ACSF3: variants seen among roughly 807,000 people sequenced by gnomAD.
The protein encoded by ACSF3 is acyl-CoA synthetase family member 3.
A neutral mutation model predicts 53.2 loss-of-function variants in ACSF3; 78 were observed. The observed-to-expected ratio is 1.47, with a 90% CI of 1.22 to 1.77. ACSF3 has a LOEUF of 1.77. Ranked by LOEUF, ACSF3 falls within the 40% of genes most tolerant of loss-of-function variation. The pLI is 0.00. For missense variants in ACSF3, 937 were observed against 771.1 expected (o/e 1.22, Z -2.55); for synonymous variants, 414 against 333.1 (o/e 1.24, Z -2.65).
At chr16:89,115,445 G>A (rs1373214078) in intron 6 of ACSF3, among the ~76,000 whole-genome samples, 4 of 152,150 alleles carry the variant, frequency 2.6e-5, no homozygotes, top group South Asian at 2.1e-4. Context: ...GTCTGCTTCC[G>A]CCCGGCTTCC....
chr16:89,119,382 G>A (rs1480522030), intron 6 of ACSF3, among the ~76,000 whole-genome samples: 1 of 152,194 alleles, frequency 6.6e-6, no homozygotes, highest in Middle Eastern at 3.2e-3. Flanking sequence ...GAAAAACCAC[G>A]GACGCGGACA....
intron 6 of ACSF3, among the ~76,000 whole-genome samples, chr16:89,119,295 C>G (rs575683110): frequency 6.6e-6 from 1 of 152,236 alleles, no homozygotes; most frequent in Non-Finnish European, 1.5e-5. Flanking sequence ...GCTGCGTCCC[C>G]GCCCCAGTAG....
At chr16:89,121,366 G>C (rs1427337266) in intron 7 of ACSF3, among the ~76,000 whole-genome samples, 1 of 152,202 alleles carries the variant, frequency 6.6e-6, no homozygotes. Flanking sequence ...TAGTAGGTGT[G>C]GGGAGATTCA....
chr16:89,138,473 G>A (rs1282874710), intron 8 of ACSF3, among the ~76,000 whole-genome samples: 1 of 152,220 alleles, frequency 6.6e-6, no homozygotes, highest in Non-Finnish European at 1.5e-5. Context: ...GCCAGCCTCT[G>A]CGCCAAGGGT....
intron 3 of ACSF3, among the ~76,000 whole-genome samples, chr16:89,102,170 T>TG (rs1334960971): frequency 6.6e-6 from 1 of 152,214 alleles, no homozygotes; most frequent in African/African-American, 2.4e-5. Context: ...CTGTCCCGGC[T>TG]GAGCAGGTGA....
At chr16:89,127,307 A>G (rs4782434) in intron 7 of ACSF3, among the ~76,000 whole-genome samples, 109,139 of 151,890 alleles carry the variant, frequency 0.72, 40,200 homozygotes, top group Non-Finnish European at 0.8. Flanking sequence ...TCTTCTTTCA[A>G]TGATTGGTGG....
rs192235338 is a variant in ACSF3 at position 89,097,284 on chromosome 16, G to A, written c.-193-1307G>A. On this transcript the variant is annotated intron_variant, in intron 1 of 10. Coordinates refer to ENST00000614302, the MANE Select transcript of ACSF3 (RefSeq NM_001243279.3). ...TTCTGAGCAGCAGCTTTAGTTAGAG[G>A]GAAGCCGTCATCCCCCTTTTATGTG... 1.5e-3 allele frequency among the ~76,000 whole-genome samples: 228 copies of A among 152,336 alleles called. 2 individuals carry two copies. The highest frequency in any genetic ancestry group is 5.1e-3 in the African/African-American group (211 of 41,578).
At chr16:89,143,043 G>C (rs1454510124) in intron 8 of ACSF3, among the ~76,000 whole-genome samples, 1 of 152,222 alleles carries the variant, frequency 6.6e-6, no homozygotes, top group South Asian at 2.1e-4. Context: ...TGGAGATGGG[G>C]AAGAAAATTG....
intron 8 of ACSF3, among the ~76,000 whole-genome samples, chr16:89,139,058 G>A (rs557028054): frequency 8.0e-4 from 122 of 152,298 alleles, no homozygotes; most frequent in Admixed American, 1.3e-3. Flanking sequence ...CTTGAGTCCC[G>A]CAGAGGAGGC....
Position 89,120,814 on chromosome 16 carries a change from C to T in ACSF3, c.1140C>T (p.Thr380=). The T allele has an allele frequency of 3.7e-6, 6 of 1,614,090 alleles. No individual in the cohort carries two copies. Among genetic ancestry groups the T allele is most frequent in the Non-Finnish European group, 5.1e-6 (6 of 1,179,954 alleles). ...CCTCTCCTGTAGGTTCCGTGGGGAC[C>T]CCACTGCCTGGAGTACAGGTGCGCA... The part of the protein sequence containing the change: ...TAVRLPGSVG[T]PLPGVQVRIV... The change falls in exon 7 of 11, where the codon ACC becomes ACT. Residue 380 remains threonine, a synonymous_variant. Coordinates refer to ENST00000614302, the MANE Select transcript of ACSF3 (RefSeq NM_001243279.3).
rs746400895 is a variant in ACSF3 at position 89,100,731 on chromosome 16, C to T, written c.50C>T (p.Ala17Val). ...TTCCGGCGCCTGGGCTGCGCCTTGGCGTCCTGCCGGCTGGCGCCTGCGAGA... is the reference window on the plus strand; with the variant it reads ...TTCCGGCGCCTGGGCTGCGCCTTGGTGTCCTGCCGGCTGGCGCCTGCGAGA... ...LTFRRLGCAL[A>V]SCRLAPARHR... The change falls in exon 3 of 11, where the codon GCG (alanine) becomes GTG (valine). Residue 17 changes from alanine to valine, a missense_variant. Physicochemically the swap from Ala to Val is moderately conservative, Grantham distance 64. Coordinates refer to ENST00000614302, the MANE Select transcript of ACSF3 (RefSeq NM_001243279.3). 4.4e-6 allele frequency: 7 copies of T among 1,603,896 alleles called. No homozygotes were observed. In the South Asian group the frequency reaches 4.4e-5, roughly 10 times the overall value.
At chr16:89,153,894 C>T (rs982904437) in intron 10 of ACSF3, 196 bp from the exon 11 acceptor site, 7 of 621,604 alleles carry the variant, frequency 1.1e-5, no homozygotes, top group South Asian at 7.4e-5. Flanking sequence ...CGGGCACCTC[C>T]TGCAGTCACC....
chr16:89,127,795 A>G (rs1473646804), intron 7 of ACSF3, among the ~76,000 whole-genome samples: 1 of 152,142 alleles, frequency 6.6e-6, no homozygotes, highest in African/African-American at 2.4e-5. Flanking sequence ...GGTTCATTTA[A>G]TCTGTTAAGT....
At chr16:89,144,639 C>T (rs1912539405) in intron 8 of ACSF3, among the ~76,000 whole-genome samples, 1 of 152,232 alleles carries the variant, frequency 6.6e-6, no homozygotes, top group South Asian at 2.1e-4. Flanking sequence ...CCTGGTGGGC[C>T]TCGGCCCCTC....
At chr16:89,141,352 G>A (rs1328346586) in intron 8 of ACSF3, 1 of 1,253,530 alleles carries the variant, frequency 8.0e-7, no homozygotes, top group Non-Finnish European at 1.0e-6. Context: ...TCTGTGCTGA[G>A]AAGCTAGAAC....
At chr16:89,099,204 C>T (rs552455095) in intron 2 of ACSF3, among the ~76,000 whole-genome samples, 5 of 152,380 alleles carry the variant, frequency 3.3e-5, no homozygotes, top group Admixed American at 3.3e-4. Flanking sequence ...GGGCGGTGTC[C>T]CGTGGGCAGT....
At chr16:89,136,852 CG>C (rs1567732873) in intron 8 of ACSF3, 1 of 1,280,586 alleles carries the variant, frequency 7.8e-7, no homozygotes, top group Non-Finnish European at 1.0e-6. Flanking sequence ...ACGGCCACAA[CG>C]ATGTCTTCAG....
intron 7 of ACSF3, among the ~76,000 whole-genome samples, chr16:89,130,952 C>T (rs982527054): frequency 1.3e-5 from 2 of 151,952 alleles, no homozygotes; most frequent in African/African-American, 4.8e-5. Flanking sequence ...TTGTCACGTT[C>T]GTTTCTTCAT....
chr16:89,133,543 C>T (rs1026700745), intron 8 of ACSF3, among the ~76,000 whole-genome samples: 5 of 152,178 alleles, frequency 3.3e-5, no homozygotes, highest in Admixed American at 6.5e-5. Flanking sequence ...GCGCGACAGC[C>T]GCTCCGGCAC....
Sources: allele counts gnomAD v4.1 joint callset (sites outside exome capture counted in the v4.1 genomes callset), GRCh38; gene constraint gnomAD v4.1.1; transcripts MANE v1.5; gene names NCBI Gene and HGNC (gene_info 2026-07-23, HGNC 2026-07-21).